Variants in STPG2 observed in about 807,000 individuals in gnomAD.
STPG2 encodes the protein sperm-tail PG-rich repeat-containing protein 2.
In STPG2, 56 loss-of-function variants were observed where a neutral mutation model predicts 54.2. That is an observed-to-expected ratio of 1.03 (90% CI 0.83 to 1.29). STPG2 has a LOEUF of 1.29. Among genes scored for constraint, STPG2 ranks in the 50% most tolerant of loss-of-function variants. The pLI, the probability that STPG2 is intolerant of heterozygous loss-of-function variation, is 0.00. For synonymous variants in STPG2, 200 were observed against 181.8 expected, an observed-to-expected ratio of 1.10 and a Z score of -0.81; for missense variants, 596 against 544.9, an observed-to-expected ratio of 1.09 and a Z score of -0.93.
intron 8 of STPG2, chr4:97,916,526 T>C (rs1400428009): frequency 6.6e-6 from 1 of 152,562 alleles, no homozygotes; most frequent in African/African-American, 2.4e-5. Context: ...TTCATTTCTT[T>C]GTATTGACCA....
intron 6 of STPG2, among the ~76,000 whole-genome samples, chr4:97,973,287 A>G (rs1734395140): frequency 6.6e-6 from 1 of 152,100 alleles, no homozygotes; most frequent in Non-Finnish European, 1.5e-5. Flanking sequence ...GACTGGTGGC[A>G]TTTTGCCCCT....
intron 9 of STPG2, among the ~76,000 whole-genome samples, chr4:97,795,458 G>C (rs918806192): frequency 6.6e-6 from 1 of 152,050 alleles, no homozygotes; most frequent in Non-Finnish European, 1.5e-5. Flanking sequence ...TTGGTTTTTT[G>C]TCCTTGTGAT....
In STPG2 at chr4:97,466,521, A is replaced by G. The variant is rs145760292; in HGVS notation, c.462+246178T>C. 6.0e-3 allele frequency among the ~76,000 whole-genome samples: 918 copies of G among 152,176 alleles called. 5 individuals carry two copies. Among genetic ancestry groups the G allele is most frequent in the South Asian group, 0.02 (98 of 4,828 alleles). The stretch of plus-strand genomic sequence containing the variant: ...GGGGCTTGGGACGTAGCAACTCATC[A>G]ACATTTGTTAGTTATCTGTGGTATT... On this transcript the variant is annotated intron_variant, in intron 4 of 4. Coordinates refer to the STPG2 transcript ENST00000522676.
chr4:97,925,193 A>G (rs753373654), intron 8 of STPG2, among the ~76,000 whole-genome samples: 1 of 152,234 alleles, frequency 6.6e-6, no homozygotes, highest in Non-Finnish European at 1.5e-5. Context: ...TTCACAATCT[A>G]TATAACCAGA....
chr4:97,904,850 G>T (rs557332543), intron 8 of STPG2, among the ~76,000 whole-genome samples: 4 of 152,114 alleles, frequency 2.6e-5, no homozygotes, highest in Non-Finnish European at 5.9e-5. Flanking sequence ...TGGAAGAAAG[G>T]GTATCAGCGA....
At chr4:98,065,563 A>G (rs1737808641) in intron 5 of STPG2, among the ~76,000 whole-genome samples, 1 of 152,206 alleles carries the variant, frequency 6.6e-6, no homozygotes, top group South Asian at 2.1e-4. Flanking sequence ...ATCACAAACA[A>G]ATAAGATATT....
chr4:97,902,693 G>C (rs1235351237), intron 8 of STPG2, among the ~76,000 whole-genome samples: 1 of 152,110 alleles, frequency 6.6e-6, no homozygotes, highest in African/African-American at 2.4e-5. Context: ...ACATATTTTG[G>C]TGGGTATGTA....
intron 9 of STPG2, among the ~76,000 whole-genome samples, chr4:97,757,294 A>G (rs1274235477): frequency 6.6e-6 from 1 of 152,122 alleles, no homozygotes; most frequent in Non-Finnish European, 1.5e-5. Flanking sequence ...CCCCCCATAT[A>G]AAGTTAATTA....
chr4:98,090,259 T>G (rs573369768), intron 5 of STPG2, among the ~76,000 whole-genome samples: 2 of 152,270 alleles, frequency 1.3e-5, no homozygotes, highest in Admixed American at 1.3e-4. Flanking sequence ...ATTTCATTCT[T>G]CTACATGTGG....
intron 5 of STPG2, among the ~76,000 whole-genome samples, chr4:98,068,491 C>T (rs114933905): frequency 8.5e-4 from 130 of 152,048 alleles, no homozygotes; most frequent in African/African-American, 2.6e-3. Flanking sequence ...TTGAATGAAA[C>T]GCAAGTATTT....
At chr4:98,097,088 T>C (rs1738882392) in intron 5 of STPG2, among the ~76,000 whole-genome samples, 1 of 151,892 alleles carries the variant, frequency 6.6e-6, no homozygotes, top group East Asian at 1.9e-4. Flanking sequence ...TTCCAAAAAA[T>C]AGAAAAGAAG....
chr4:97,545,009 AT>A (rs1049502797), intron 4 of STPG2, among the ~76,000 whole-genome samples: 9 of 152,072 alleles, frequency 5.9e-5, no homozygotes, highest in African/African-American at 2.2e-4. Flanking sequence ...TGCTTCTCCA[AT>A]TTTAACGGGC....
At chr4:97,886,701 T>C (rs1730581603) in intron 8 of STPG2, among the ~76,000 whole-genome samples, 1 of 152,202 alleles carries the variant, frequency 6.6e-6, no homozygotes. Context: ...TTACTTTCCT[T>C]CTCTTTCATA....
chr4:97,720,081 C>T (rs1319929601), intron 9 of STPG2, among the ~76,000 whole-genome samples: 1 of 151,930 alleles, frequency 6.6e-6, no homozygotes, highest in Admixed American at 6.6e-5. Flanking sequence ...AAACTTACTT[C>T]ATGATAACTG....
chr4:97,633,376 G>A (rs1471509734), intron 10 of STPG2: 6 of 151,922 alleles, frequency 3.9e-5, no homozygotes, highest in African/African-American at 1.5e-4. Context: ...GGCAATTCCA[G>A]GGAAAAATGA....
chr4:98,003,585 C>A (rs956287851), intron 5 of STPG2, among the ~76,000 whole-genome samples: 1 of 152,158 alleles, frequency 6.6e-6, no homozygotes, highest in Non-Finnish European at 1.5e-5. Flanking sequence ...ATATATGCCA[C>A]TTAAAAAGAC....
intron 10 of STPG2, among the ~76,000 whole-genome samples, chr4:97,577,008 A>T (rs746525589): frequency 6.6e-6 from 1 of 152,214 alleles, no homozygotes; most frequent in Non-Finnish European, 1.5e-5. Flanking sequence ...ATCACTAATC[A>T]TCAGAGAAAT....
intron 4 of STPG2, among the ~76,000 whole-genome samples, chr4:97,527,366 T>G (rs557707839): frequency 1.3e-5 from 2 of 152,346 alleles, no homozygotes; most frequent in Non-Finnish European, 2.9e-5. Flanking sequence ...TTCCATGGTG[T>G]ATATGTGCCA....
intron 8 of STPG2, among the ~76,000 whole-genome samples, chr4:97,902,592 G>C (rs1167503245): frequency 6.6e-6 from 1 of 151,978 alleles, no homozygotes; most frequent in African/African-American, 2.4e-5. Flanking sequence ...AAACCACAAG[G>C]AGATACCACT....
Sources: allele counts gnomAD v4.1 joint callset (sites outside exome capture counted in the v4.1 genomes callset), GRCh38; gene constraint gnomAD v4.1.1; transcripts MANE v1.5; gene names NCBI Gene and HGNC (gene_info 2026-07-23, HGNC 2026-07-21).